Variants in SPAG9 observed in about 807,000 individuals in gnomAD.
The protein encoded by SPAG9 is C-Jun-amino-terminal kinase-interacting protein 4.
SPAG9 carries 35 observed loss-of-function variants against 166.5 expected under a neutral mutation model. The observed-to-expected ratio is 0.21, with a 90% CI of 0.16 to 0.28. The LOEUF (loss-of-function observed/expected upper bound fraction) is 0.28. Among genes scored for constraint, SPAG9 ranks in the 10% least tolerant of loss-of-function variants. SPAG9 has a pLI of 1.00. For missense variants in SPAG9, 1,235 were observed against 1,603.3 expected (o/e 0.77, Z 3.92); for synonymous variants, 534 against 565.5 (o/e 0.94, Z 0.79).
intron 1 of SPAG9, among the ~76,000 whole-genome samples, chr17:51,112,420 C>T (rs1382333697): frequency 6.7e-6 from 1 of 149,860 alleles, no homozygotes; most frequent in East Asian, 2.0e-4. Flanking sequence ...CACCTGTAAT[C>T]CTAGCACTTT....
chr17:51,097,529 T>C (rs552230954), intron 1 of SPAG9, among the ~76,000 whole-genome samples: 2 of 152,004 alleles, frequency 1.3e-5, no homozygotes, highest in East Asian at 3.9e-4. Flanking sequence ...AGAAAAAAAA[T>C]TATGGTATCT....
intron 3 of SPAG9, among the ~76,000 whole-genome samples, chr17:51,051,886 A>G (rs568764994): frequency 6.6e-5 from 10 of 152,164 alleles, no homozygotes; most frequent in South Asian, 2.1e-4. Context: ...GCATTCAAAC[A>G]CTCCCTGATG....
At chr17:51,025,469 T>TAA (rs11339659) in intron 6 of SPAG9, among the ~76,000 whole-genome samples, 2 of 144,892 alleles carry the variant, frequency 1.4e-5, no homozygotes, top group Non-Finnish European at 3.0e-5. Flanking sequence ...CAGTATTAAT[T>TAA]AAAAAAAAAA....
intron 1 of SPAG9, among the ~76,000 whole-genome samples, chr17:51,104,537 G>A (rs967293958): frequency 2.9e-4 from 44 of 152,150 alleles, no homozygotes; most frequent in Admixed American, 6.6e-5. Context: ...TCCAGAGGCT[G>A]AGACAGGAGA....
Position 50,966,115 on chromosome 17 carries a change from G to A in SPAG9, c.*157C>T. ...ACAGCTAGTTCCTCTGTATTGTTAT[G>A]GTAGAACGGATTTTGTAATATAAAG... On this transcript the variant is annotated 3_prime_UTR_variant, in exon 30 of 30. Transcript: ENST00000262013. The A allele has an allele frequency of 1.6e-6, 1 of 634,844 alleles. No individual in the cohort carries two copies. The allele number at this position is 634,844 out of a possible 1,614,324, so 39.3% of individuals were successfully genotyped here. A position where few individuals can be genotyped will look rare whatever the true frequency, so the allele number is the denominator to read the frequency against.
In SPAG9 at chr17:51,120,148, G is replaced by A. The variant is rs1015624508; in HGVS notation, c.303+206C>T. The stretch of plus-strand genomic sequence containing the variant: ...CCTCCTCCATCTCGCTCCCTTCCCA[G>A]GACACTCAGTAGCCGGCCTCGGCTT... On this transcript the variant is annotated intron_variant, in intron 1 of 29. Coordinates refer to ENST00000262013, the MANE Select transcript of SPAG9 (RefSeq NM_001130528.3). The surrounding 1 kb of genome is among the most constrained non-coding windows in gnomAD (Gnocchi z 4.7). Among the ~76,000 whole-genome samples, 1 of 152,208 alleles carries A rather than the reference G, an allele frequency of 6.6e-6. No homozygotes were observed. Among genetic ancestry groups the A allele is most frequent in the African/African-American group, 2.4e-5 (1 of 41,458 alleles).
At chr17:50,971,800 T>C (rs1186501570) in intron 28 of SPAG9, among the ~76,000 whole-genome samples, 1 of 150,996 alleles carries the variant, frequency 6.6e-6, no homozygotes, top group Non-Finnish European at 1.5e-5. Context: ...AGAGTTTCGC[T>C]CTTGTGGCCC....
At chr17:50,969,610 C>T (rs1472750780) in intron 29 of SPAG9, among the ~76,000 whole-genome samples, 1 of 152,128 alleles carries the variant, frequency 6.6e-6, no homozygotes, top group Admixed American at 6.5e-5. Context: ...CCAGTCCCTC[C>T]CTCCCTTTTG....
At chr17:51,042,379 T>C (rs2046872635) in intron 4 of SPAG9, 1 of 152,186 alleles carries the variant, frequency 6.6e-6, no homozygotes, top group Admixed American at 6.5e-5. Context: ...ACTAACAGAA[T>C]TTCAACGAGA....
chr17:51,088,255 A>G (rs905710113), intron 1 of SPAG9, among the ~76,000 whole-genome samples: 3 of 152,232 alleles, frequency 2.0e-5, no homozygotes, highest in Admixed American at 6.5e-5. Flanking sequence ...CACAATGCCT[A>G]TTCTCCAAAT....
In SPAG9 at chr17:51,041,529, C is replaced by A; in HGVS notation, c.713G>T (p.Ser238Ile). Residue 238 changes from serine (S) to isoleucine (I), a missense_variant, in exon 5 of 30, where the codon AGT becomes ATT. Physicochemically the swap from Ser to Ile is moderately radical, Grantham distance 142. Around this residue, in one of 6 missense-constraint regions of SPAG9, gnomAD observed 288 missense variants for 323.7 expected, o/e 0.89. Coordinates refer to ENST00000262013, the MANE Select transcript of SPAG9 (RefSeq NM_001130528.3). ...GSEQWKFQEL[S>I]QPRSHTSLKV... is the part of the protein sequence containing the mutation. ...CAGGCTGGTATGAGAACGTGGTTGA[C>A]TTAATTCCTGAAATTTCCATTGCTC... is the stretch of plus-strand genomic sequence containing the variant. 1 of 1,613,954 alleles carries A rather than the reference C, an allele frequency of 6.2e-7. No individual in the cohort carries two copies. The highest frequency in any genetic ancestry group is 1.1e-5 in the South Asian group (1 of 91,062).
intron 1 of SPAG9, among the ~76,000 whole-genome samples, chr17:51,101,720 T>C (rs1362198389): frequency 6.6e-6 from 1 of 151,916 alleles, no homozygotes; most frequent in Non-Finnish European, 1.5e-5. Context: ...ACCTCCCAGG[T>C]TCAAGCAATT....
chr17:51,103,914 T>A (rs997705517), intron 1 of SPAG9, among the ~76,000 whole-genome samples: 3 of 152,202 alleles, frequency 2.0e-5, no homozygotes, highest in African/African-American at 7.2e-5. Context: ...TAGTGGTGAA[T>A]GACAAACTTC....
At position 51,083,212 on chromosome 17, in the gene SPAG9, G is replaced by C. The variant is rs181871824; in HGVS notation, c.304-3508C>G. 6.6e-4 allele frequency among the ~76,000 whole-genome samples: 100 copies of C among 151,478 alleles called. 1 individual carries two copies. The highest frequency in any genetic ancestry group is 5.9e-3 in the Admixed American group (89 of 15,186). On this transcript the variant is annotated intron_variant, in intron 1 of 29. Coordinates refer to ENST00000262013, the MANE Select transcript of SPAG9 (RefSeq NM_001130528.3). ...ATAAATTCCTTTTTTACATAAGCTT[G>C]AGTTGGTTTTTCTTTTTTCTTTTTT...
rs1244195803 is a variant in SPAG9, at chr17:51,063,067, C to CA, written c.425-6586dup. On this transcript the variant is annotated intron_variant, in intron 2 of 29. Coordinates refer to ENST00000262013, the MANE Select transcript of SPAG9 (RefSeq NM_001130528.3). ...CACAAAATTTCATGTTTTTAATGCA[C>CA]AAAAAGTGGTATTTTAAGATATTTT... 4.6e-5 allele frequency among the ~76,000 whole-genome samples: 7 copies of CA among 152,120 alleles called. No individual in the cohort carries two copies. The East Asian group carries it at 1.4e-3, about 29-fold the overall frequency.
chr17:51,084,629 G>C (rs1006630892), intron 1 of SPAG9, among the ~76,000 whole-genome samples: 6 of 152,062 alleles, frequency 3.9e-5, no homozygotes, highest in Admixed American at 3.3e-4. Context: ...GGATGGTCTC[G>C]AACTCCTGAC....
At position 50,982,570 on chromosome 17, in the gene SPAG9, T is replaced by C; in HGVS notation, c.3191A>G (p.Tyr1064Cys). 1.2e-6 allele frequency: 2 copies of C among 1,614,098 alleles called. No homozygotes were observed. The highest frequency in any genetic ancestry group is 1.1e-5 in the South Asian group (1 of 91,076). The change falls in exon 25 of 30, where the codon TAT becomes TGT. Residue 1064 changes from tyrosine to cysteine, a missense_variant. Tyr to Cys is a radical substitution (Grantham distance 194). Coordinates refer to ENST00000262013, the MANE Select transcript of SPAG9 (RefSeq NM_001130528.3). Reference sequence around the variant, plus strand: ...CTGCACCACATAGATTTTGTTCCTATAGCCACACCAGACTTTGTCATGTAC... The same window carrying C: ...CTGCACCACATAGATTTTGTTCCTACAGCCACACCAGACTTTGTCATGTAC... ...TVVHDKVWCGYRNKIYVVQPK... is the reference protein window; with the variant it reads ...TVVHDKVWCGCRNKIYVVQPK...
chr17:50,970,909 TTTTG>T, intron 28 of SPAG9, 53 bp from the exon 29 acceptor site: 1 of 1,486,132 alleles, frequency 6.7e-7, no homozygotes, highest in Non-Finnish European at 9.2e-7. Flanking sequence ...AGGGAGGCTG[TTTTG>T]TTTTTTTTTT....
chr17:51,092,692 T>G (rs956573987), intron 1 of SPAG9, among the ~76,000 whole-genome samples: 15 of 143,642 alleles, frequency 1.0e-4, no homozygotes, highest in African/African-American at 3.4e-4. Flanking sequence ...GGTGGGAAGA[T>G]CACTTGAGGC....
Sources: allele counts gnomAD v4.1 joint callset (sites outside exome capture counted in the v4.1 genomes callset), GRCh38; gene constraint gnomAD v4.1.1; regional missense constraint gnomAD v4.1.1; non-coding constraint Gnocchi (gnomAD v3.1); transcripts MANE v1.5; gene names NCBI Gene and HGNC (gene_info 2026-07-23, HGNC 2026-07-21).